Variants in BTBD9 observed in about 807,000 individuals in gnomAD.
BTBD9 encodes BTB/POZ domain-containing protein 9.
A neutral mutation model predicts 64.3 loss-of-function variants in BTBD9; 49 were observed. The observed-to-expected ratio is 0.76, with a 90% CI of 0.61 to 0.97. The LOEUF is 0.97. Ranked by LOEUF, BTBD9 falls within the 50% of genes least tolerant of loss-of-function variation. The pLI is 0.00. For missense variants in BTBD9, 598 were observed against 762.1 expected (o/e 0.78, Z 2.53); for synonymous variants, 260 against 274.7 (o/e 0.95, Z 0.53).
chr6:38,349,250 T>C (rs1386901801), intron 6 of BTBD9, among the ~76,000 whole-genome samples: 3 of 152,174 alleles, frequency 2.0e-5, no homozygotes, highest in Non-Finnish European at 4.4e-5. Context: ...ACACGAACTT[T>C]ACAGGGTACT....
intron 7 of BTBD9, among the ~76,000 whole-genome samples, chr6:38,292,571 T>A (rs1315206024): frequency 5.3e-5 from 8 of 152,202 alleles, no homozygotes; most frequent in Admixed American, 5.2e-4. Context: ...CAGGAATTTA[T>A]CCATTTCTTC....
chr6:38,384,774 A>G (rs1490149024), intron 6 of BTBD9, among the ~76,000 whole-genome samples: 1 of 152,210 alleles, frequency 6.6e-6, no homozygotes, highest in Non-Finnish European at 1.5e-5. Context: ...TAGGGTGCAC[A>G]GGGAATTTTG....
intron 1 of BTBD9, among the ~76,000 whole-genome samples, chr6:38,638,611 T>C (rs1179280814): frequency 6.6e-6 from 1 of 152,220 alleles, no homozygotes; most frequent in Non-Finnish European, 1.5e-5. Flanking sequence ...TAATAAGTGT[T>C]ACAAAGCAAG....
chr6:38,569,382 T>A (rs1423964835), intron 6 of BTBD9, among the ~76,000 whole-genome samples: 1 of 152,136 alleles, frequency 6.6e-6, no homozygotes, highest in Middle Eastern at 3.2e-3. Context: ...AAGAAAAATA[T>A]GAGAAAAAAG....
chr6:38,381,222 G>T (rs191711125), intron 6 of BTBD9, among the ~76,000 whole-genome samples: 1 of 151,926 alleles, frequency 6.6e-6, no homozygotes. Flanking sequence ...CCTATGACAC[G>T]CTATTTACAA....
intron 4 of BTBD9, among the ~76,000 whole-genome samples, chr6:38,585,979 C>CAT (rs57845719): frequency 1.3e-5 from 2 of 150,166 alleles, no homozygotes; most frequent in Non-Finnish European, 3.0e-5. Context: ...CACACACACA[C>CAT]GCATATTTAT....
rs543064381 is a variant in BTBD9, at chr6:38,206,299, T to A, written c.1563-13702A>T. 3.3e-5 allele frequency among the ~76,000 whole-genome samples: 5 copies of A among 151,758 alleles called. No homozygotes were observed. The South Asian group carries it at 1.0e-3, about 32-fold the overall frequency. On this transcript the variant is annotated intron_variant, in intron 9 of 10. Transcript: ENST00000481247. Reference sequence around the variant, plus strand: ...GGCATGATTTTGGCTCACTGCAACCTCGCCTCCCAGCTTGGGAGGCTTGAA... The same window carrying A: ...GGCATGATTTTGGCTCACTGCAACCACGCCTCCCAGCTTGGGAGGCTTGAA...
intron 6 of BTBD9, among the ~76,000 whole-genome samples, chr6:38,539,401 G>A (rs1248196865): frequency 6.6e-6 from 1 of 152,050 alleles, no homozygotes; most frequent in Non-Finnish European, 1.5e-5. Flanking sequence ...TTCAAATATG[G>A]GTAGGTGTTT....
chr6:38,364,067 T>C (rs1033976224), intron 6 of BTBD9, among the ~76,000 whole-genome samples: 2 of 152,078 alleles, frequency 1.3e-5, no homozygotes, highest in African/African-American at 4.8e-5. Context: ...TCACTTAAAA[T>C]TGGACACAAC....
At chr6:38,529,223 C>T (rs532210653) in intron 6 of BTBD9, among the ~76,000 whole-genome samples, 2 of 152,278 alleles carry the variant, frequency 1.3e-5, no homozygotes, top group East Asian at 3.9e-4. Context: ...CTGTATCACC[C>T]CTCCTCCAGT....
At chr6:38,431,153 C>T (rs916710335) in intron 6 of BTBD9, among the ~76,000 whole-genome samples, 9 of 151,848 alleles carry the variant, frequency 5.9e-5, no homozygotes, top group African/African-American at 2.2e-4. Context: ...TTTTCAATAC[C>T]CATCTGTATG....
intron 10 of BTBD9, among the ~76,000 whole-genome samples, chr6:38,180,089 T>C (rs1475052734): frequency 6.6e-6 from 1 of 152,214 alleles, no homozygotes; most frequent in East Asian, 1.9e-4. Flanking sequence ...TGTAAGCCAA[T>C]ACCCAGCTAG....
intron 6 of BTBD9, among the ~76,000 whole-genome samples, chr6:38,455,768 G>A (rs1263052208): frequency 1.3e-5 from 2 of 152,130 alleles, no homozygotes; most frequent in Non-Finnish European, 2.9e-5. Flanking sequence ...GAGTGCAATG[G>A]CGCGATCTCG....
chr6:38,520,752 G>A (rs1199768357), intron 6 of BTBD9, among the ~76,000 whole-genome samples: 1 of 151,800 alleles, frequency 6.6e-6, no homozygotes, highest in Non-Finnish European at 1.5e-5. Context: ...GGGCAACACA[G>A]AGAGACCACA....
chr6:38,561,716 A>T (rs1210447741), intron 6 of BTBD9, among the ~76,000 whole-genome samples: 1 of 152,004 alleles, frequency 6.6e-6, no homozygotes, highest in Non-Finnish European at 1.5e-5. Flanking sequence ...TCTCTTACTC[A>T]TGAGTGGGAG....
chr6:38,232,665 C>CT (rs762881748), intron 9 of BTBD9, among the ~76,000 whole-genome samples: 6,536 of 141,382 alleles, frequency 0.046, 250 homozygotes, highest in Admixed American at 0.11. Context: ...CCTTTCGCAA[C>CT]TTTTTTTTTT....
intron 6 of BTBD9, among the ~76,000 whole-genome samples, chr6:38,545,993 G>A (rs1216554715): frequency 3.9e-5 from 6 of 151,926 alleles, no homozygotes; most frequent in Non-Finnish European, 7.4e-5. Flanking sequence ...AACAGAGAAG[G>A]TGATGGCTTG....
At chr6:38,507,445 A>C (rs1236308231) in intron 6 of BTBD9, among the ~76,000 whole-genome samples, 2 of 152,176 alleles carry the variant, frequency 1.3e-5, no homozygotes, top group African/African-American at 2.4e-5. Flanking sequence ...AACTTTTTGA[A>C]ACAATTGCCT....
intron 6 of BTBD9, among the ~76,000 whole-genome samples, chr6:38,504,282 G>A (rs1772346242): frequency 6.6e-6 from 1 of 152,112 alleles, no homozygotes; most frequent in African/African-American, 2.4e-5. Context: ...CTACACTCCC[G>A]CTCCTACTTT....
Sources: gnomAD v4.1 joint callset for allele counts (sites outside exome capture counted in the v4.1 genomes callset) on GRCh38, gnomAD v4.1.1 for gene constraint, MANE v1.5 for transcripts, NCBI Gene and HGNC (gene_info 2026-07-23, HGNC 2026-07-21) for gene names.